ACOT7: variants seen among roughly 807,000 people sequenced by gnomAD.
ACOT7 encodes the protein cytosolic acyl coenzyme A thioester hydrolase.
In ACOT7, 12 loss-of-function variants were observed where a neutral mutation model predicts 40.2. The observed-to-expected ratio is 0.30, with a 90% CI of 0.19 to 0.48. The LOEUF (loss-of-function observed/expected upper bound fraction) is 0.48. ACOT7 is among the 20% of genes least tolerant of loss of function. ACOT7 has a pLI of 0.99. For synonymous variants in ACOT7, 228 were observed against 219.5 expected, an observed-to-expected ratio of 1.04 and a Z score of -0.34; for missense variants, 395 against 530.8, an observed-to-expected ratio of 0.74 and a Z score of 2.51.
chr1:6,337,993 A>C (rs1641151889), intron 3 of ACOT7, among the ~76,000 whole-genome samples: 2 of 112,790 alleles, frequency 1.8e-5, no homozygotes, highest in African/African-American at 8.1e-5. Context: ...AGAGTGAGAC[A>C]CCATCTCAAA....
intron 1 of ACOT7, chr1:6,385,489 C>T: frequency 6.2e-7 from 1 of 1,606,854 alleles, no homozygotes; most frequent in Non-Finnish European, 8.5e-7. Flanking sequence ...TCCCAGTCAT[C>T]CTACCTTCCA....
At chr1:6,268,450 C>T (rs1319783518) in intron 8 of ACOT7, among the ~76,000 whole-genome samples, 1 of 152,208 alleles carries the variant, frequency 6.6e-6, no homozygotes, top group Non-Finnish European at 1.5e-5. Flanking sequence ...CTAGGAAAAC[C>T]AGCCCCTCCT....
chr1:6,389,012 G>T (rs550942415), intron 1 of ACOT7, among the ~76,000 whole-genome samples: 3 of 150,806 alleles, frequency 2.0e-5, no homozygotes, highest in Non-Finnish European at 2.9e-5. Context: ...CTGCACTCCA[G>T]CCTGGGCAAC....
intron 8 of ACOT7, among the ~76,000 whole-genome samples, chr1:6,270,367 G>A (rs1047097371): frequency 5.9e-5 from 9 of 152,324 alleles, no homozygotes; most frequent in Admixed American, 2.6e-4. Flanking sequence ...TCAAGTCCCC[G>A]AGGCTGCTGG....
At chr1:6,315,533 C>T (rs976152216) in intron 6 of ACOT7, among the ~76,000 whole-genome samples, 77 of 151,902 alleles carry the variant, frequency 5.1e-4, no homozygotes, top group African/African-American at 1.6e-3. Flanking sequence ...GGGCAGATCA[C>T]GGGGTCAGGA....
At chr1:6,344,387 G>A (rs1432766776) in intron 2 of ACOT7, among the ~76,000 whole-genome samples, 1 of 152,180 alleles carries the variant, frequency 6.6e-6, no homozygotes, top group Non-Finnish European at 1.5e-5. Context: ...GGGGACACCT[G>A]GTGATGGCTT....
rs1166382554 is a variant in ACOT7 at position 6,264,570 on chromosome 1, G to T, written c.*27C>A. 6.2e-7 allele frequency: 1 copy of T among 1,601,886 alleles called. No individual in the cohort carries two copies. ...ACTGGGCCCGTTGCCATGGCTACTC[G>T]AGGCACCAGTGGCAGGAGGAGGGAG... On this transcript the variant is annotated 3_prime_UTR_variant, in exon 9 of 9. Coordinates refer to ENST00000361521, the MANE Select transcript of ACOT7 (RefSeq NM_007274.4).
intron 7 of ACOT7, among the ~76,000 whole-genome samples, chr1:6,293,155 C>T (rs922873444): frequency 5.3e-5 from 8 of 152,204 alleles, no homozygotes; most frequent in Admixed American, 5.2e-4. Flanking sequence ...TCCCAAAGTG[C>T]TGGCATTACA....
At chr1:6,264,716 C>T (rs1226536092) in intron 8 of ACOT7, 21 bp from the exon 9 acceptor site, 4 of 1,611,252 alleles carry the variant, frequency 2.5e-6, no homozygotes, top group African/African-American at 1.3e-5. Flanking sequence ...CACACAGAGA[C>T]AGGCAGGTTA....
At chr1:6,336,781 A>G (rs1300092640) in intron 3 of ACOT7, among the ~76,000 whole-genome samples, 1 of 152,082 alleles carries the variant, frequency 6.6e-6, no homozygotes, top group Non-Finnish European at 1.5e-5. Flanking sequence ...TTCAATTTCC[A>G]GGGGACACAT....
Position 6,350,991 on chromosome 1 carries a change from C to T in ACOT7, c.144-1125G>A, listed in dbSNP as rs74601462. Among the ~76,000 whole-genome samples, 1,507 of 152,314 alleles carry T rather than the reference C, an allele frequency of 9.9e-3. 24 individuals carry two copies. Among genetic ancestry groups the T allele is most frequent in the African/African-American group, 0.034 (1,413 of 41,576 alleles). On this transcript the variant is annotated intron_variant, in intron 1 of 8. Coordinates refer to ENST00000361521, the MANE Select transcript of ACOT7 (RefSeq NM_007274.4). Reference sequence around the variant, plus strand: ...AGATCGCACACTCACTCCACAACAGCGCTGGCAGACACATGGTACACAGTA... The same window carrying T: ...AGATCGCACACTCACTCCACAACAGTGCTGGCAGACACATGGTACACAGTA...
intron 7 of ACOT7, among the ~76,000 whole-genome samples, chr1:6,284,459 C>T (rs1416815240): frequency 4.0e-5 from 6 of 151,896 alleles, no homozygotes; most frequent in African/African-American, 1.5e-4. Flanking sequence ...GCCTGTAATC[C>T]CAGCTACTTG....
chr1:6,393,587 GGCAGCC>G lies in ACOT7; in HGVS notation c.-194_-189del, dbSNP rs2148487590. On this transcript the variant is annotated 5_prime_UTR_variant, in exon 1 of 9. Transcript: ENST00000361521. ...ACGATTCTGGCGGCGTGGGGGCCCAGGCAGCCGCCGCTTCCAGAAGGTTCGGTGGCG... is the reference window on the plus strand; with the variant it reads ...ACGATTCTGGCGGCGTGGGGGCCCAGGCCGCTTCCAGAAGGTTCGGTGGCG... 2.4e-6 allele frequency: 1 copy of G among 419,542 alleles called. No homozygotes were observed. The highest frequency in any genetic ancestry group is 4.6e-5 in the East Asian group (1 of 21,550). 26.0% of individuals were successfully genotyped at this position (419,542 alleles called of 1,614,324 possible). A position where few individuals can be genotyped will look rare whatever the true frequency, so the allele number is the denominator to read the frequency against.
Position 6,306,630 on chromosome 1 carries a change from G to A in ACOT7, c.713-11650C>T. ...TAGAAGGAATTTAACTGCAGCCTGT[G>A]CCACTCAGCTTCACGAGGAAGAAAG... On this transcript the variant is annotated intron_variant, in intron 6 of 8. Transcript: ENST00000361521. This position sits in a 1 kb window ranked among gnomAD's most constrained non-coding sequence, Gnocchi z 4.3. 1.0e-6 allele frequency: 1 copy of A among 985,408 alleles called. No individual in the cohort carries two copies. The highest frequency in any genetic ancestry group is 1.2e-6 in the Non-Finnish European group (1 of 829,924). 61.0% of individuals were successfully genotyped at this position (985,408 alleles called of 1,614,324 possible).
At chr1:6,333,384 G>T in intron 4 of ACOT7, 93 bp downstream of exon 4, 1 of 1,429,358 alleles carries the variant, frequency 7.0e-7, no homozygotes, top group Non-Finnish European at 9.8e-7. Context: ...TTGCTCCCTT[G>T]AGACCCTTAG....
In ACOT7 at chr1:6,339,353, G is replaced by T. The variant is rs996333805; in HGVS notation, c.418+80C>A. ...TGGAAAAGGGGCCAGGCCCTGGAGC[G>T]TCCTCTGCCCTCAGGAGGGAAGCAG... On this transcript the variant is annotated intron_variant, in intron 3 of 8. Coordinates refer to ENST00000361521, the MANE Select transcript of ACOT7 (RefSeq NM_007274.4). 3.8e-6 allele frequency: 6 copies of T among 1,593,010 alleles called. No individual in the cohort carries two copies. In the Admixed American group the frequency reaches 1.0e-4, roughly 27 times the overall value.
In ACOT7 at chr1:6,393,609, T is replaced by G. The variant is rs1156250994; in HGVS notation, c.-210A>C. 3 of 363,674 alleles carry G rather than the reference T, an allele frequency of 8.2e-6. No individual in the cohort carries two copies. Among genetic ancestry groups the G allele is most frequent in the African/African-American group, 6.5e-5 (3 of 46,406 alleles). 22.5% of individuals were successfully genotyped at this position (363,674 alleles called of 1,614,324 possible). ...CCAGGCAGCCGCCGCTTCCAGAAGG[T>G]TCGGTGGCGGTTGGGCCGCGCCGGT... On this transcript the variant is annotated 5_prime_UTR_variant, in exon 1 of 9. Coordinates refer to ENST00000361521, the MANE Select transcript of ACOT7 (RefSeq NM_007274.4).
intron 8 of ACOT7, among the ~76,000 whole-genome samples, chr1:6,273,145 G>T (rs1002672834): frequency 6.6e-6 from 1 of 152,228 alleles, no homozygotes. Context: ...TACCAGTGCC[G>T]CTCAGAAGGG....
intron 4 of ACOT7, among the ~76,000 whole-genome samples, chr1:6,328,459 G>C (rs1433587218): frequency 1.3e-5 from 2 of 152,032 alleles, no homozygotes; most frequent in Non-Finnish European, 2.9e-5. Context: ...TCAGGAGTTC[G>C]AGACTAGCCT....
Sources: allele counts gnomAD v4.1 joint callset (sites outside exome capture counted in the v4.1 genomes callset), GRCh38; gene constraint gnomAD v4.1.1; non-coding constraint Gnocchi (gnomAD v3.1); transcripts MANE v1.5; gene names NCBI Gene and HGNC (gene_info 2026-07-23, HGNC 2026-07-21).